FBXL5: variants seen among roughly 807,000 people sequenced by gnomAD.
FBXL5 encodes F-box and leucine rich repeat protein 5.
FBXL5 carries 26 observed loss-of-function variants against 78.3 expected under a neutral mutation model. That is an observed-to-expected ratio of 0.33 (90% CI 0.24 to 0.46). The LOEUF is 0.46. FBXL5 is among the 20% of genes least tolerant of loss of function. FBXL5 has a pLI of 1.00. For synonymous variants in FBXL5, 295 were observed against 282.5 expected (o/e 1.04, Z -0.45); for missense variants, 710 against 829.2 (o/e 0.86, Z 1.77).
chr4:15,605,806 G>T lies in FBXL5; in HGVS notation c.2000-7C>A. 1 of 1,601,474 alleles carries T rather than the reference G, an allele frequency of 6.2e-7. No homozygotes were observed. Among genetic ancestry groups the T allele is most frequent in the Non-Finnish European group, 8.5e-7 (1 of 1,177,816 alleles). On this transcript the variant is annotated splice_polypyrimidine_tract_variant and splice_region_variant and intron_variant, in intron 10 of 10. Transcript: ENST00000341285. ...GCGGTATCAGCATGAGGACCTGTAT[G>T]AAAACAGAAAAATGTGAAAGGAGGA...
At chr4:15,652,260 T>A (rs1435095892) in intron 1 of FBXL5, among the ~76,000 whole-genome samples, 2 of 152,188 alleles carry the variant, frequency 1.3e-5, no homozygotes, top group African/African-American at 4.8e-5. Context: ...CTTAGCAGAT[T>A]GTTCCCAAAA....
intron 1 of FBXL5, among the ~76,000 whole-genome samples, chr4:15,680,633 G>A (rs368672021): frequency 7.9e-5 from 12 of 152,072 alleles, no homozygotes; most frequent in South Asian, 6.2e-4. Context: ...CCGAGGCTGC[G>A]CCACTGCACT....
intron 1 of FBXL5, among the ~76,000 whole-genome samples, chr4:15,645,586 C>A (rs895032798): frequency 2.0e-5 from 3 of 152,078 alleles, no homozygotes; most frequent in Non-Finnish European, 2.9e-5. Context: ...CGCCACCACG[C>A]CCGGCTAATT....
chr4:15,647,457 G>C (rs944946712), intron 1 of FBXL5, among the ~76,000 whole-genome samples: 1 of 152,014 alleles, frequency 6.6e-6, no homozygotes, highest in Non-Finnish European at 1.5e-5. Flanking sequence ...TGGGTGTCCT[G>C]AAAACAATCT....
intron 1 of FBXL5, among the ~76,000 whole-genome samples, chr4:15,671,447 TTTTG>T (rs1159468609): frequency 4.6e-5 from 7 of 151,676 alleles, no homozygotes; most frequent in Non-Finnish European, 8.8e-5. Context: ...TGGTTTGGGT[TTTTG>T]TTTAAGAGAC....
chr4:15,655,478 A>C (rs1039034389), upstream of FBXL5: 2 of 791,364 alleles, frequency 2.5e-6, no homozygotes, highest in Non-Finnish European at 3.1e-6. Context: ...GGCCCACGTG[A>C]CCGGGCGCGC....
intron 9 of FBXL5, among the ~76,000 whole-genome samples, chr4:15,618,803 A>G (rs1207065982): frequency 1.3e-5 from 2 of 152,214 alleles, no homozygotes; most frequent in African/African-American, 4.8e-5. Context: ...AGATTGTGCC[A>G]TTGCACTCTG....
intron 1 of FBXL5, among the ~76,000 whole-genome samples, chr4:15,672,767 TCAA>T (rs933904480): frequency 1.3e-5 from 2 of 152,198 alleles, no homozygotes; most frequent in African/African-American, 4.8e-5. Context: ...ATGTTTTTCT[TCAA>T]CAGTAAATTT....
chr4:15,678,444 TCC>T (rs1463093951), intron 1 of FBXL5, among the ~76,000 whole-genome samples: 1 of 152,186 alleles, frequency 6.6e-6, no homozygotes, highest in Non-Finnish European at 1.5e-5. Flanking sequence ...CACTTGATTT[TCC>T]CCAAGTGAAG....
intron 2 of FBXL5, among the ~76,000 whole-genome samples, chr4:15,641,789 C>G (rs374347574): frequency 7.9e-5 from 12 of 152,110 alleles, no homozygotes; most frequent in Middle Eastern, 3.4e-3. Flanking sequence ...CACTTTGGGA[C>G]GCAGAGGCAG....
In FBXL5 at chr4:15,625,759, T is replaced by G. The variant is rs1712980088; in HGVS notation, c.1343A>C (p.His448Pro). The part of the protein sequence containing the change: ...MQSTKQYACL[H>P]DLTNKGIGEE... Reference sequence around the variant, plus strand: ...TCCAATGCCCTTGTTAGTTAAATCGTGCAAACAGGCATACTGCTTGGTGGA... The same window carrying G: ...TCCAATGCCCTTGTTAGTTAAATCGGGCAAACAGGCATACTGCTTGGTGGA... The change falls in exon 9 of 11, where the codon CAC becomes CCC. Residue 448 changes from histidine to proline, a missense_variant. By Grantham distance (77) the His-to-Pro change is moderately conservative. Around this residue, in one of 4 missense-constraint regions of FBXL5, gnomAD observed 517 missense variants for 542.9 expected, o/e 0.95. Transcript: ENST00000341285. 2 of 1,614,090 alleles carry G rather than the reference T, an allele frequency of 1.2e-6. No individual in the cohort carries two copies. Among genetic ancestry groups the G allele is most frequent in the Non-Finnish European group, 8.5e-7 (1 of 1,180,028 alleles).
Position 15,626,891 on chromosome 4 carries a change from G to A in FBXL5, c.1106C>T (p.Ser369Leu). 6.2e-7 allele frequency: 1 copy of A among 1,610,364 alleles called. No individual in the cohort carries two copies. The highest frequency in any genetic ancestry group is 8.5e-7 in the Non-Finnish European group (1 of 1,178,194). Reference sequence around the variant, plus strand: ...AACTAACCTGTCAAATGCAGAATCTGAAATGTCAGTCTGGGTAAGATCCAG... The same window carrying A: ...AACTAACCTGTCAAATGCAGAATCTAAAATGTCAGTCTGGGTAAGATCCAG... ...EHLDLTQTDI[S>L]DSAFDSWSWL... The change falls in exon 8 of 11, where the codon TCA (serine) becomes TTA (leucine). Residue 369 changes from serine (S) to leucine (L), a missense_variant. Physicochemically the swap from Ser to Leu is moderately radical, Grantham distance 145 (BLOSUM62 -2). This residue lies in a region of FBXL5 where 517 missense variants were observed against 542.9 expected (regional missense o/e 0.95). Transcript: ENST00000341285.
chr4:15,610,809 T>C (rs1026602843), intron 10 of FBXL5, among the ~76,000 whole-genome samples: 1 of 152,006 alleles, frequency 6.6e-6, no homozygotes, highest in South Asian at 2.1e-4. Flanking sequence ...ATATGAAAAA[T>C]TCAAATGCAA....
At chr4:15,667,445 A>T (rs1717595195) in intron 1 of FBXL5, among the ~76,000 whole-genome samples, 1 of 152,184 alleles carries the variant, frequency 6.6e-6, no homozygotes, top group South Asian at 2.1e-4. Context: ...GAGACTAAGC[A>T]AAATCATATA....
At chr4:15,621,871 C>G (rs949773981) in intron 9 of FBXL5, among the ~76,000 whole-genome samples, 2 of 152,202 alleles carry the variant, frequency 1.3e-5, no homozygotes, top group Non-Finnish European at 2.9e-5. Context: ...CTTTGTTACC[C>G]TGGCTGGAGT....
chr4:15,661,917 T>C (rs573704661), upstream of FBXL5, among the ~76,000 whole-genome samples: 2 of 152,336 alleles, frequency 1.3e-5, no homozygotes, highest in South Asian at 2.1e-4. Flanking sequence ...CACATCCTCA[T>C]AGGCTGTTAG....
intron 1 of FBXL5, among the ~76,000 whole-genome samples, chr4:15,651,371 C>T (rs900088166): frequency 6.6e-6 from 1 of 152,188 alleles, no homozygotes; most frequent in Admixed American, 6.5e-5. Context: ...GGGTAAGTTA[C>T]TTAACCACTA....
intron 1 of FBXL5, among the ~76,000 whole-genome samples, chr4:15,669,643 A>C (rs1408676233): frequency 6.6e-6 from 1 of 152,186 alleles, no homozygotes; most frequent in Non-Finnish European, 1.5e-5. Context: ...ATCAACCCAC[A>C]GAAAATGTAA....
intron 1 of FBXL5, among the ~76,000 whole-genome samples, chr4:15,647,920 C>A (rs1409498856): frequency 6.6e-6 from 1 of 151,494 alleles, no homozygotes; most frequent in Non-Finnish European, 1.5e-5. Context: ...GTGGCATGAT[C>A]ATAGCTCACT....
Sources: allele counts gnomAD v4.1 joint callset (sites outside exome capture counted in the v4.1 genomes callset), GRCh38; gene constraint gnomAD v4.1.1; regional missense constraint gnomAD v4.1.1; transcripts MANE v1.5; gene names NCBI Gene and HGNC (gene_info 2026-07-23, HGNC 2026-07-21).